Variants in DTX2 observed in about 807,000 individuals in gnomAD.
DTX2 encodes deltex E3 ubiquitin ligase 2, also known as probable E3 ubiquitin-protein ligase DTX2.
Under a neutral mutation model 55.3 loss-of-function variants are expected in DTX2, and 29 were observed. The ratio of observed to expected loss-of-function variants is 0.52; its 90% CI spans 0.39 to 0.71. The LOEUF (loss-of-function observed/expected upper bound fraction) is 0.71. Among genes scored for constraint, DTX2 ranks in the 30% least tolerant of loss-of-function variants. The pLI is 0.00. For synonymous variants in DTX2, 276 were observed against 340.4 expected, an observed-to-expected ratio of 0.81 and a Z score of 2.08; for missense variants, 537 against 822.5, an observed-to-expected ratio of 0.65 and a Z score of 4.25.
chr7:76,504,770 C>G (rs566635576), intron 10 of DTX2, among the ~76,000 whole-genome samples: 1 of 152,196 alleles, frequency 6.6e-6, no homozygotes, highest in Admixed American at 6.5e-5. Flanking sequence ...GGTGTCTGCA[C>G]TGAGACATGA....
chr7:76,482,586 G>A lies in DTX2; in HGVS notation c.347G>A (p.Ser116Asn). The change falls in exon 4 of 11, where the codon AGC (serine) becomes AAC (asparagine). Residue 116 changes from serine (S) to asparagine (N), a missense_variant. This residue lies in a region of DTX2 where 301 missense variants were observed against 396.6 expected (regional missense o/e 0.76). Transcript: ENST00000430490. ...PGRGVVWEWL[S>N]DDGSWTAYEA... Reference sequence around the variant, plus strand: ...CGAGGTGTCGTCTGGGAGTGGCTGAGCGACGATGGCTCCTGGACTGCCTAT... The same window carrying A: ...CGAGGTGTCGTCTGGGAGTGGCTGAACGACGATGGCTCCTGGACTGCCTAT... 6.2e-7 allele frequency: 1 copy of A among 1,613,646 alleles called. No individual in the cohort carries two copies. Among genetic ancestry groups the A allele is most frequent in the Non-Finnish European group, 8.5e-7 (1 of 1,179,730 alleles).
At chr7:76,474,148 C>T (rs140372801) in intron 2 of DTX2, among the ~76,000 whole-genome samples, 5,747 of 151,046 alleles carry the variant, frequency 0.038, 285 homozygotes, top group African/African-American at 0.13. Flanking sequence ...CTCAAACTCC[C>T]GACCTCAGGT....
At chr7:76,464,569 T>C (rs1477278579) in intron 2 of DTX2, among the ~76,000 whole-genome samples, 1 of 151,754 alleles carries the variant, frequency 6.6e-6, no homozygotes, top group Admixed American at 6.6e-5. Flanking sequence ...ACCCGACTAA[T>C]AATTTTATCT....
At chr7:76,474,910 C>T (rs1808374722) in intron 2 of DTX2, 1 of 152,128 alleles carries the variant, frequency 6.6e-6, no homozygotes, top group South Asian at 2.1e-4. Context: ...CAGCCACGAT[C>T]CTCTGGACAG....
At chr7:76,491,350 A>C (rs1810421409) in intron 4 of DTX2, among the ~76,000 whole-genome samples, 1 of 134,850 alleles carries the variant, frequency 7.4e-6, no homozygotes, top group Admixed American at 7.6e-5. Flanking sequence ...GCTGGAGTGC[A>C]GTGGCACGGT....
chr7:76,480,402 A>G lies in DTX2; in HGVS notation c.-89-19A>G, dbSNP rs1364826046. On this transcript the variant is annotated intron_variant, in intron 2 of 10. Coordinates refer to ENST00000430490, the MANE Select transcript of DTX2 (RefSeq NM_001102594.3). ...TACTGATGTGCATTGGTAACTGCTC[A>G]TGTCTGTCCTGTTCACAGATCTGCC... 1.6e-6 allele frequency: 2 copies of G among 1,264,370 alleles called. No homozygotes were observed. Among genetic ancestry groups the G allele is most frequent in the Admixed American group, 2.9e-5 (1 of 34,752 alleles). The allele number at this position is 1,264,370 out of a possible 1,614,324, so 78.3% of individuals were successfully genotyped here. A position where few individuals can be genotyped will look rare whatever the true frequency, so the allele number is the denominator to read the frequency against.
chr7:76,482,240 G>A (rs1421931669), intron 3 of DTX2, among the ~76,000 whole-genome samples: 1 of 151,034 alleles, frequency 6.6e-6, no homozygotes, highest in Admixed American at 6.6e-5. Flanking sequence ...TGTGCCTGTA[G>A]TCCCAGTTAT....
chr7:76,467,871 G>A (rs1807346025), intron 2 of DTX2, among the ~76,000 whole-genome samples: 1 of 152,188 alleles, frequency 6.6e-6, no homozygotes, highest in African/African-American at 2.4e-5. Context: ...AAGTGGACAA[G>A]TGCGATGGGC....
At chr7:76,465,011 C>T (rs1056670294) in intron 2 of DTX2, among the ~76,000 whole-genome samples, 47 of 150,656 alleles carry the variant, frequency 3.1e-4, no homozygotes, top group Non-Finnish European at 2.5e-4. Context: ...AATCTCAGCT[C>T]ACTGCTCAAC....
Position 76,494,385 on chromosome 7 carries a change from C to T in DTX2, c.1009+2132C>T, listed in dbSNP as rs1388174172. Among the ~76,000 whole-genome samples the T allele has an allele frequency of 1.0e-4, 9 of 88,868 alleles. 1 individual carries two copies. Among genetic ancestry groups the T allele is most frequent in the South Asian group, 4.4e-4 (1 of 2,296 alleles). 58.3% of individuals were successfully genotyped at this position (88,868 alleles called of 152,430 possible). On this transcript the variant is annotated intron_variant, in intron 5 of 10. Transcript: ENST00000430490. ...TCACAGTGTACCGTGTGTGCATGTGCGGCCGTGGTGGCATTGGAGACAGGT... is the reference window on the plus strand; with the variant it reads ...TCACAGTGTACCGTGTGTGCATGTGTGGCCGTGGTGGCATTGGAGACAGGT...
rs756835652 is a variant in DTX2 at position 76,482,672 on chromosome 7, T to G, written c.433T>G (p.Leu145Val). ...GGCCAGGGGCAACCAGCTCGTGGAC[T>G]TGGCCCCCCTGGGGTACAACTACAC... ...QVARGNQLVD[L>V]APLGYNYTVN... The change falls in exon 4 of 11, where the codon TTG (leucine) becomes GTG (valine). Residue 145 changes from leucine (L) to valine (V), a missense_variant. Leu to Val is a conservative substitution (Grantham distance 32). Around this residue, in one of 7 missense-constraint regions of DTX2, gnomAD observed 301 missense variants for 396.6 expected, o/e 0.76. Transcript: ENST00000430490. The G allele has an allele frequency of 3.1e-6, 5 of 1,613,830 alleles. No homozygotes were observed. The highest frequency in any genetic ancestry group is 4.2e-6 in the Non-Finnish European group (5 of 1,179,796).
At chr7:76,481,825 A>T (rs762849001) in intron 3 of DTX2, among the ~76,000 whole-genome samples, 30 of 126,742 alleles carry the variant, frequency 2.4e-4, no homozygotes, top group African/African-American at 2.6e-4. Context: ...TTTTATTTTT[A>T]AAAGTATGGG....
At chr7:76,499,022 TGTGAG>T (rs1811310854) in intron 6 of DTX2, among the ~76,000 whole-genome samples, 1 of 38,896 alleles carries the variant, frequency 2.6e-5, no homozygotes, top group Non-Finnish European at 4.4e-5. Flanking sequence ...GTGTGGGGTG[TGTGAG>T]GTGGGGTGTG....
chr7:76,474,218 CTTTTCTTTTTT>C (rs1808280519), intron 2 of DTX2, among the ~76,000 whole-genome samples: 1 of 119,676 alleles, frequency 8.4e-6, no homozygotes, highest in African/African-American at 3.4e-5. Flanking sequence ...TTCTTTCTTT[CTTTTCTTTTTT>C]TTTTTTTAAG....
At chr7:76,467,674 C>CT (rs1807322913) in intron 2 of DTX2, among the ~76,000 whole-genome samples, 1 of 141,032 alleles carries the variant, frequency 7.1e-6, no homozygotes, top group South Asian at 2.6e-4. Context: ...GGTTTGAAGT[C>CT]TTTTCCTGAA....
intron 3 of DTX2, among the ~76,000 whole-genome samples, chr7:76,481,913 G>T (rs1330236580): frequency 6.6e-6 from 1 of 150,468 alleles, no homozygotes; most frequent in African/African-American, 2.5e-5. Flanking sequence ...GCCCAGGCTG[G>T]TCTTCAACTC....
rs201931701 is a variant in DTX2, at chr7:76,505,340, C to G, written c.1642-34C>G. 1.5e-4 allele frequency: 225 copies of G among 1,533,682 alleles called. 3 individuals carry two copies. In the East Asian group the frequency reaches 5.5e-3, roughly 37 times the overall value. On this transcript the variant is annotated intron_variant, in intron 10 of 10. Transcript: ENST00000430490. The surrounding 1 kb of genome is among the most constrained non-coding windows in gnomAD (Gnocchi z 4.4). ...CTGAGCCCCTCTCACTCTCCGTCCC[C>G]TCCTTCCTCTTCCCCCTCCTCCTCC...
rs368859519 is a variant in DTX2 at position 76,501,481 on chromosome 7, G to A, written c.1231-817G>A. Among the ~76,000 whole-genome samples, 309 of 151,418 alleles carry A rather than the reference G, an allele frequency of 2.0e-3. 1 individual carries two copies. The highest frequency in any genetic ancestry group is 3.1e-3 in the Non-Finnish European group (212 of 67,816). On this transcript the variant is annotated intron_variant, in intron 7 of 10. Transcript: ENST00000430490. ...CTGCCGTCTGCACAGCCAGCACGCAGCTTGGATCATGGGAGCACTCCCTGC... is the reference window on the plus strand; with the variant it reads ...CTGCCGTCTGCACAGCCAGCACGCAACTTGGATCATGGGAGCACTCCCTGC...
chr7:76,502,260 A>C, intron 7 of DTX2, 38 bp from the exon 8 acceptor site: 7 of 1,574,168 alleles, frequency 4.4e-6, no homozygotes, highest in Non-Finnish European at 6.1e-6. Flanking sequence ...AGCCCAGCCC[A>C]CTGTTGGCGA....
Sources: gnomAD v4.1 joint callset for allele counts (sites outside exome capture counted in the v4.1 genomes callset) on GRCh38, gnomAD v4.1.1 for gene constraint, gnomAD v4.1.1 regional missense constraint, Gnocchi (gnomAD v3.1) non-coding constraint, MANE v1.5 for transcripts, NCBI Gene and HGNC (gene_info 2026-07-23, HGNC 2026-07-21) for gene names.